PHEX: variants seen among roughly 807,000 people sequenced by gnomAD.
PHEX encodes the protein phosphate-regulating neutral endopeptidase PHEX.
In PHEX, 16 loss-of-function variants were observed where a neutral mutation model predicts 68.0. The ratio of observed to expected loss-of-function variants is 0.24; its 90% CI spans 0.16 to 0.36. The LOEUF (loss-of-function observed/expected upper bound fraction) is 0.36, where lower values mean the gene tolerates loss of function less well. Among genes scored for constraint, PHEX ranks in the 10% least tolerant of loss-of-function variants. The pLI, the probability that PHEX is intolerant of heterozygous loss-of-function variation, is 1.00. For synonymous variants in PHEX, 208 were observed against 205.1 expected, an observed-to-expected ratio of 1.01 and a Z score of -0.12; for missense variants, 480 against 575.5, an observed-to-expected ratio of 0.83 and a Z score of 1.70.
intron 11 of PHEX, among the ~76,000 whole-genome samples, chrX:22,117,018 C>T (rs962914509): frequency 4.5e-5 from 5 of 112,071 alleles, no homozygotes; most frequent in East Asian, 5.6e-4. Flanking sequence ...AGGGTAATTA[C>T]CTCAGTACCT....
chrX:22,092,749 C>CTT (rs370527485), intron 6 of PHEX, among the ~76,000 whole-genome samples: 30 of 77,947 alleles, frequency 3.8e-4, no homozygotes, highest in Non-Finnish European at 5.9e-4. Context: ...TTCTTTCTTT[C>CTT]TTTTTTTTTT....
chrX:22,104,478 T>A (rs1930581620), intron 9 of PHEX, among the ~76,000 whole-genome samples: 1 of 111,281 alleles, frequency 9.0e-6, no homozygotes, highest in South Asian at 3.8e-4. Flanking sequence ...GTAGTGATGA[T>A]CCCTCATGTT....
rs1926868088 is a variant in PHEX at position 22,033,031 on chromosome X, TGGAGACTGGAAAGAA to T, written c.29_43del (p.Glu10_Lys14del). ...ATGGAAGCAGAAACAGGGAGCAGCG[TGGAGACTGGAAAGAA>T]GGCCAACAGAGGCACTCGAATTGCC... On this transcript the variant is annotated inframe_deletion, in exon 1 of 22. Coordinates refer to ENST00000379374, the MANE Select transcript of PHEX (RefSeq NM_000444.6). 1.7e-6 allele frequency: 2 copies of T among 1,205,935 alleles called. No homozygotes were observed. The highest frequency in any genetic ancestry group is 2.2e-6 in the Non-Finnish European group (2 of 892,783).
intron 3 of PHEX, among the ~76,000 whole-genome samples, chrX:22,073,735 G>A (rs1166011367): frequency 9.6e-6 from 1 of 104,009 alleles, no homozygotes; most frequent in African/African-American, 3.5e-5. Flanking sequence ...TGCCTCCTGG[G>A]TTCAAGCGAT....
chrX:22,203,385 C>T (rs1240152974), intron 15 of PHEX, among the ~76,000 whole-genome samples: 2 of 110,279 alleles, frequency 1.8e-5, no homozygotes, highest in Admixed American at 1.9e-4. Context: ...CAGCAGATGG[C>T]TAAGGCATCT....
intron 3 of PHEX, among the ~76,000 whole-genome samples, chrX:22,062,961 A>C (rs1032060226): frequency 3.6e-5 from 4 of 111,056 alleles, no homozygotes; most frequent in African/African-American, 1.3e-4. Flanking sequence ...GGGTTTCACC[A>C]TGTTGGACAG....
intron 5 of PHEX, among the ~76,000 whole-genome samples, chrX:22,088,426 A>T (rs906233514): frequency 9.0e-6 from 1 of 111,448 alleles, no homozygotes; most frequent in African/African-American, 3.3e-5. Context: ...TTGCATTCTT[A>T]CCAGTAATAC....
chrX:22,226,423 T>TC lies in PHEX; in HGVS notation c.1900-18dup. 1 of 1,122,833 alleles carries TC rather than the reference T, an allele frequency of 8.9e-7. No individual in the cohort carries two copies. Among genetic ancestry groups the TC allele is most frequent in the Non-Finnish European group, 1.2e-6 (1 of 818,076 alleles). 92.5% of individuals were successfully genotyped at this position (1,122,833 alleles called of 1,213,427 possible). A position where few individuals can be genotyped will look rare whatever the true frequency, so the allele number is the denominator to read the frequency against. ...GAAACACGCATTCATTTTTTTTTTT[T>TC]CCTTTTTTCTTTCTGTTAGGTCAAG... On this transcript the variant is annotated intron_variant, in intron 18 of 21. Transcript: ENST00000379374.
intron 11 of PHEX, among the ~76,000 whole-genome samples, chrX:22,131,288 G>A (rs773213027): frequency 1.1e-3 from 118 of 111,596 alleles, no homozygotes; most frequent in Non-Finnish European, 7.7e-4. Flanking sequence ...TAATCTGCCC[G>A]CCTCAGCCTC....
chrX:22,209,960 T>A (rs200545121), intron 15 of PHEX, among the ~76,000 whole-genome samples: 2,870 of 106,594 alleles, frequency 0.027, 49 homozygotes, highest in South Asian at 0.078. Context: ...AAAAAATAAA[T>A]AAATAAAAAT....
At chrX:22,038,180 C>T (rs1359028043) in intron 1 of PHEX, among the ~76,000 whole-genome samples, 1 of 110,631 alleles carries the variant, frequency 9.0e-6, no homozygotes, top group South Asian at 3.9e-4. Flanking sequence ...GCAGCAGCAG[C>T]AGCTGCTGCT....
chrX:22,129,177 C>T (rs1413073758), intron 11 of PHEX, among the ~76,000 whole-genome samples: 6 of 111,100 alleles, frequency 5.4e-5, no homozygotes, highest in Non-Finnish European at 1.1e-4. Context: ...GCTGGACAAA[C>T]GAAGGGTGAT....
chrX:22,213,383 A>T (rs1457420268), intron 16 of PHEX, among the ~76,000 whole-genome samples: 1 of 111,983 alleles, frequency 8.9e-6, no homozygotes, highest in Non-Finnish European at 1.9e-5. Flanking sequence ...GAAGTAGTGG[A>T]AAAGAAGATT....
chrX:22,211,418 T>C (rs1233571535), intron 15 of PHEX, among the ~76,000 whole-genome samples: 1 of 112,224 alleles, frequency 8.9e-6, no homozygotes, highest in Non-Finnish European at 1.9e-5. Context: ...AGCCTGAGTG[T>C]TACTTTTCAT....
rs187054893 is a variant in PHEX, at chrX:22,053,717, C to T, written c.349+6506C>T. Among the ~76,000 whole-genome samples the T allele has an allele frequency of 6.3e-5, 7 of 111,807 alleles. No homozygotes were observed. In the South Asian group the frequency reaches 1.1e-3, roughly 18 times the overall value. ...CACAGAAGACAGATGACTCAAGGTA[C>T]GGCCAGATCATCTCTATTACGGAAT... is the stretch of plus-strand genomic sequence containing the variant. On this transcript the variant is annotated intron_variant, in intron 3 of 21. Coordinates refer to ENST00000379374, the MANE Select transcript of PHEX (RefSeq NM_000444.6).
rs770726332 is a variant in PHEX, at chrX:22,077,480, G to A, written c.441G>A (p.Ala147=). 1.7e-4 allele frequency: 204 copies of A among 1,205,407 alleles called. No individual in the cohort carries two copies. Among genetic ancestry groups the A allele is most frequent in the Non-Finnish European group, 2.2e-4 (198 of 890,842 alleles). ...ILYSSCMNEK[A]IEKADAKPLL... is the part of the protein sequence containing the mutation. ...TTCATATCTGCTCCCTTTCAGAAGC[G>A]ATTGAAAAAGCAGATGCCAAGCCAC... is the stretch of plus-strand genomic sequence containing the variant. Residue 147 remains alanine (A), a synonymous_variant, in exon 5 of 22, where the codon GCG becomes GCA. Coordinates refer to ENST00000379374, the MANE Select transcript of PHEX (RefSeq NM_000444.6).
intron 18 of PHEX, 45 bp from the exon 19 acceptor site, chrX:22,226,398 G>T (rs1569433914): frequency 1.1e-6 from 1 of 942,603 alleles, no homozygotes; most frequent in African/African-American, 2.0e-5. Context: ...AGTTGACCGT[G>T]AAACACGCAT....
At chrX:22,202,857 A>G (rs1336002927) in intron 15 of PHEX, among the ~76,000 whole-genome samples, 3 of 111,929 alleles carry the variant, frequency 2.7e-5, no homozygotes, top group African/African-American at 9.8e-5. Flanking sequence ...AAACTATAGC[A>G]GTGGTTCTCA....
intron 11 of PHEX, among the ~76,000 whole-genome samples, chrX:22,117,300 G>T (rs746728075): frequency 9.0e-6 from 1 of 111,536 alleles, no homozygotes; most frequent in Non-Finnish European, 1.9e-5. Flanking sequence ...TTATTGGGCC[G>T]TGAGAAATAG....
Sources: allele counts gnomAD v4.1 joint callset (sites outside exome capture counted in the v4.1 genomes callset), GRCh38; gene constraint gnomAD v4.1.1; transcripts MANE v1.5; gene names NCBI Gene and HGNC (gene_info 2026-07-23, HGNC 2026-07-21).